PTPN14: variants seen among roughly 807,000 people sequenced by gnomAD.
The protein encoded by PTPN14 is protein tyrosine phosphatase non-receptor type 14.
PTPN14 carries 53 observed loss-of-function variants against 126.8 expected under a neutral mutation model. The ratio of observed to expected loss-of-function variants is 0.42; its 90% CI spans 0.34 to 0.53. PTPN14 has a LOEUF of 0.53. PTPN14 is among the 20% of genes least tolerant of loss of function. PTPN14 has a pLI of 0.08. For synonymous variants in PTPN14, 630 were observed against 599.3 expected, an observed-to-expected ratio of 1.05 and a Z score of -0.75; for missense variants, 1,257 against 1,552.9, an observed-to-expected ratio of 0.81 and a Z score of 3.20.
chr1:214,481,987 C>CAAA (rs749522633), intron 1 of PTPN14, among the ~76,000 whole-genome samples: 1 of 86,020 alleles, frequency 1.2e-5, no homozygotes, highest in Non-Finnish European at 2.4e-5. Flanking sequence ...AGTCTGTCTC[C>CAAA]AAAAAAAAAA....
At chr1:214,470,036 TA>T (rs1217628371) in intron 1 of PTPN14, among the ~76,000 whole-genome samples, 1 of 152,156 alleles carries the variant, frequency 6.6e-6, no homozygotes, top group African/African-American at 2.4e-5. Context: ...AAAGAAACTA[TA>T]CATATCTGGG....
chr1:214,366,208 C>T (rs1380873523), intron 17 of PTPN14, among the ~76,000 whole-genome samples: 1 of 151,996 alleles, frequency 6.6e-6, no homozygotes, highest in Non-Finnish European at 1.5e-5. Context: ...AAAGGAGATG[C>T]CGTGAGATGC....
At position 214,427,276 on chromosome 1, in the gene PTPN14, CAAAAAAAAAA is replaced by C. The variant is rs5741915; in HGVS notation, c.345-12560_345-12551del. Reference sequence around the variant, plus strand: ...TTGGCGACAGAGTGAGTCTCCATCTCAAAAAAAAAAAAAAAAAAAAAAAAATTATGATTGC... The same window carrying C: ...TTGGCGACAGAGTGAGTCTCCATCTCAAAAAAAAAAAAAAATTATGATTGC... On this transcript the variant is annotated intron_variant, in intron 3 of 18. Transcript: ENST00000366956. 7.7e-5 allele frequency among the ~76,000 whole-genome samples: 5 copies of C among 65,220 alleles called. No homozygotes were observed. In the East Asian group the frequency reaches 1.4e-3, roughly 18 times the overall value. 42.8% of individuals were successfully genotyped at this position (65,220 alleles called of 152,430 possible).
intron 3 of PTPN14, among the ~76,000 whole-genome samples, chr1:214,437,084 C>A (rs1446419144): frequency 6.6e-6 from 1 of 151,190 alleles, no homozygotes. Flanking sequence ...TGAACCAGTG[C>A]CAGAAATAAT....
intron 1 of PTPN14, among the ~76,000 whole-genome samples, chr1:214,544,324 GA>G (rs886889546): frequency 7.9e-5 from 12 of 152,158 alleles, no homozygotes; most frequent in African/African-American, 2.9e-4. Flanking sequence ...CCAGCTACTT[GA>G]GAGGCTGAGG....
rs568252721 is a variant in PTPN14, at chr1:214,356,560, G to A, written c.*1362C>T. 2 of 152,324 alleles carry A rather than the reference G, an allele frequency of 1.3e-5. No homozygotes were observed. The highest frequency in any genetic ancestry group is 4.8e-5 in the African/African-American group (2 of 41,576). 9.4% of individuals were successfully genotyped at this position (152,324 alleles called of 1,614,324 possible). Reference sequence around the variant, plus strand: ...GAAATTCAGAAGGACACTGACCAATGAAGCCATAGGAAGAAACTAAGAACT... The same window carrying A: ...GAAATTCAGAAGGACACTGACCAATAAAGCCATAGGAAGAAACTAAGAACT... On this transcript the variant is annotated 3_prime_UTR_variant, in exon 19 of 19. Coordinates refer to ENST00000366956, the MANE Select transcript of PTPN14 (RefSeq NM_005401.5).
intron 3 of PTPN14, among the ~76,000 whole-genome samples, chr1:214,447,747 T>C (rs1660179129): frequency 6.6e-6 from 1 of 152,236 alleles, no homozygotes; most frequent in Non-Finnish European, 1.5e-5. Flanking sequence ...ATCCAACTCC[T>C]AACTTTCAAC....
At chr1:214,461,910 T>C (rs1660522989) in intron 2 of PTPN14, among the ~76,000 whole-genome samples, 1 of 152,204 alleles carries the variant, frequency 6.6e-6, no homozygotes, top group Non-Finnish European at 1.5e-5. Flanking sequence ...CAAATACAAA[T>C]TCAAGGTATG....
At chr1:214,421,081 T>C (rs898311774) in intron 3 of PTPN14, among the ~76,000 whole-genome samples, 2 of 152,186 alleles carry the variant, frequency 1.3e-5, no homozygotes, top group Non-Finnish European at 2.9e-5. Context: ...TGAGAACACA[T>C]GTTCACACCA....
At position 214,433,951 on chromosome 1, in the gene PTPN14, CAAAAAAAAAAAAAAAAA is replaced by C. The variant is rs1158472144; in HGVS notation, c.344+17837_344+17853del. 1.1e-3 allele frequency among the ~76,000 whole-genome samples: 113 copies of C among 98,570 alleles called. 1 individual carries two copies. Among genetic ancestry groups the C allele is most frequent in the African/African-American group, 4.3e-3 (94 of 21,654 alleles). 64.7% of individuals were successfully genotyped at this position (98,570 alleles called of 152,430 possible). ...ACACACACACACACACACACACACA[CAAAAAAAAAAAAAAAAA>C]AAAACTCAAAAAATTTAGCCAGGCA... On this transcript the variant is annotated intron_variant, in intron 3 of 18. Coordinates refer to ENST00000366956, the MANE Select transcript of PTPN14 (RefSeq NM_005401.5).
intron 1 of PTPN14, among the ~76,000 whole-genome samples, chr1:214,492,215 GAATAT>G (rs936262459): frequency 6.6e-5 from 10 of 151,976 alleles, no homozygotes; most frequent in African/African-American, 2.4e-4. Flanking sequence ...AACTTCGGGA[GAATAT>G]AATAATGAGT....
intron 3 of PTPN14, among the ~76,000 whole-genome samples, chr1:214,441,668 T>C (rs953066711): frequency 2.6e-5 from 4 of 152,228 alleles, no homozygotes; most frequent in African/African-American, 9.6e-5. Context: ...GAATCCTTTA[T>C]GGGAAGCGGA....
At chr1:214,446,735 CA>C (rs56887546) in intron 3 of PTPN14, among the ~76,000 whole-genome samples, 24 of 144,978 alleles carry the variant, frequency 1.7e-4, no homozygotes, top group South Asian at 2.2e-4. Context: ...ATATACACAG[CA>C]AAAAAAAAAG....
chr1:214,505,137 T>C (rs17734758), intron 1 of PTPN14, among the ~76,000 whole-genome samples: 8,870 of 151,506 alleles, frequency 0.059, 282 homozygotes, highest in Middle Eastern at 0.13. Context: ...TATGAGTTCA[T>C]TGTGGCGGTC....
intron 2 of PTPN14, among the ~76,000 whole-genome samples, chr1:214,454,029 T>C (rs1660329313): frequency 6.6e-6 from 1 of 152,176 alleles, no homozygotes; most frequent in South Asian, 2.1e-4. Context: ...AGCTCTGCAT[T>C]ATACTGAATT....
intron 9 of PTPN14, among the ~76,000 whole-genome samples, chr1:214,394,483 T>C (rs1053894976): frequency 3.3e-5 from 5 of 152,142 alleles, no homozygotes; most frequent in Admixed American, 1.3e-4. Flanking sequence ...TCTTGGCTCA[T>C]TGCAACCTCT....
intron 3 of PTPN14, 25 bp from the exon 4 acceptor site, chr1:214,414,751 A>C (rs886803494): frequency 6.4e-7 from 1 of 1,566,112 alleles, no homozygotes; most frequent in Admixed American, 1.7e-5. Flanking sequence ...AGAGGAACAA[A>C]CAACCTTAAA....
At position 214,350,303 on chromosome 1, in the gene PTPN14, T is replaced by C. The variant is rs1345342895; in HGVS notation, c.*7619A>G. ...CCTGCAGGGAGAAGCTAGAAACAAA[T>C]GGGTCTTCCTATACATCAGTCTGCC... On this transcript the variant is annotated 3_prime_UTR_variant, in exon 19 of 19. Coordinates refer to ENST00000366956, the MANE Select transcript of PTPN14 (RefSeq NM_005401.5). 6.6e-6 allele frequency: 1 copy of C among 152,196 alleles called. No homozygotes were observed. The highest frequency in any genetic ancestry group is 1.5e-5 in the Non-Finnish European group (1 of 68,048). The allele number at this position is 152,196 out of a possible 1,614,324, so 9.4% of individuals were successfully genotyped here. A position where few individuals can be genotyped will look rare whatever the true frequency, so the allele number is the denominator to read the frequency against.
intron 1 of PTPN14, among the ~76,000 whole-genome samples, chr1:214,503,204 T>G (rs1442355996): frequency 2.0e-5 from 3 of 152,238 alleles, no homozygotes; most frequent in African/African-American, 7.2e-5. Context: ...ACAGTATTTA[T>G]TATGAAAGGC....
Sources: gnomAD v4.1 joint callset for allele counts (sites outside exome capture counted in the v4.1 genomes callset) on GRCh38, gnomAD v4.1.1 for gene constraint, MANE v1.5 for transcripts, NCBI Gene and HGNC (gene_info 2026-07-23, HGNC 2026-07-21) for gene names.